The following ABHD17B variants were observed in gnomAD, a reference collection of about 807,000 sequenced individuals.
ABHD17B encodes the protein alpha/beta hydrolase domain-containing protein 17B.
A neutral mutation model predicts 26.2 loss-of-function variants in ABHD17B; 9 were observed. The ratio of observed to expected loss-of-function variants is 0.34; its 90% CI spans 0.21 to 0.60. The LOEUF is 0.60. Ranked by LOEUF, ABHD17B falls within the 20% of genes least tolerant of loss-of-function variation. The probability of loss-of-function intolerance (pLI) is 0.80; values close to 1 mark genes in which losing one functional copy is unlikely to be tolerated. For missense variants in ABHD17B, 224 were observed against 352.1 expected, an observed-to-expected ratio of 0.64 and a Z score of 2.91; for synonymous variants, 127 against 122.3, an observed-to-expected ratio of 1.04 and a Z score of -0.25.
At chr9:71,869,822 C>T (rs893154914) in intron 3 of ABHD17B, among the ~76,000 whole-genome samples, 1 of 152,082 alleles carries the variant, frequency 6.6e-6, no homozygotes, top group African/African-American at 2.4e-5. Context: ...AAATTAATTC[C>T]CTTGTCTCCA....
At chr9:71,864,600 G>A (rs1825905485), downstream of ABHD17B, among the ~76,000 whole-genome samples, 1 of 151,872 alleles carries the variant, frequency 6.6e-6, no homozygotes, top group Non-Finnish European at 1.5e-5. Flanking sequence ...TGCTTCCCCT[G>A]GGTCACCCAG....
intron 1 of ABHD17B, among the ~76,000 whole-genome samples, chr9:71,893,859 G>T (rs1425558973): frequency 6.6e-6 from 1 of 152,118 alleles, no homozygotes; most frequent in Non-Finnish European, 1.5e-5. Context: ...GTAGGCCAAG[G>T]CGGGTGGATC....
chr9:71,905,668 T>G (rs937748475), intron 1 of ABHD17B, among the ~76,000 whole-genome samples: 1 of 152,172 alleles, frequency 6.6e-6, no homozygotes, highest in African/African-American at 2.4e-5. Context: ...TTGGCTACTA[T>G]AATGAATGAG....
chr9:71,905,391 A>G (rs760733805), intron 1 of ABHD17B, among the ~76,000 whole-genome samples: 4 of 152,204 alleles, frequency 2.6e-5, no homozygotes, highest in Non-Finnish European at 5.9e-5. Flanking sequence ...CATTAAAACA[A>G]GATGCAAATA....
At chr9:71,862,952 C>T (rs564567180), downstream of ABHD17B, among the ~76,000 whole-genome samples, 2 of 151,922 alleles carry the variant, frequency 1.3e-5, no homozygotes, top group South Asian at 2.1e-4. Flanking sequence ...AATTCATTTT[C>T]ACTTATGAAG....
Position 71,911,095 on chromosome 9 carries a change from C to G in ABHD17B, c.-465G>C, listed in dbSNP as rs577043627. Among the ~76,000 whole-genome samples, 70 of 152,322 alleles carry G rather than the reference C, an allele frequency of 4.6e-4. No individual in the cohort carries two copies. The highest frequency in any genetic ancestry group is 1.7e-3 in the African/African-American group (69 of 41,588). ...CCTGCTTTCTTTGCTCCTCCTCAGC[C>G]TGCCAAGCGCGAGGCTCGTTCCGGT... is the stretch of plus-strand genomic sequence containing the variant. On this transcript the variant is annotated 5_prime_UTR_variant, in exon 1 of 4. Coordinates refer to ENST00000333421, the MANE Select transcript of ABHD17B (RefSeq NM_001025780.3).
In ABHD17B at chr9:71,866,486, G is replaced by T; in HGVS notation, c.*301C>A. On this transcript the variant is annotated 3_prime_UTR_variant, in exon 4 of 4. Transcript: ENST00000333421. Reference sequence around the variant, plus strand: ...TTGTTTCTAGTATGCAAAAGCATTTGGCAATACTTTTACAGCATTTGATTT... The same window carrying T: ...TTGTTTCTAGTATGCAAAAGCATTTTGCAATACTTTTACAGCATTTGATTT... The T allele has an allele frequency of 9.3e-7, 1 of 1,072,868 alleles. No homozygotes were observed. 66.5% of individuals were successfully genotyped at this position (1,072,868 alleles called of 1,614,324 possible).
intron 2 of ABHD17B, among the ~76,000 whole-genome samples, chr9:71,873,078 A>AAT (rs1826159410): frequency 6.6e-6 from 1 of 151,998 alleles, no homozygotes; most frequent in African/African-American, 2.4e-5. Context: ...TGAAATCTTT[A>AAT]ATATTTAAAC....
chr9:71,864,213 CTTTTTTTTTTTT>C (rs762446648), downstream of ABHD17B, among the ~76,000 whole-genome samples: 1 of 80,396 alleles, frequency 1.2e-5, no homozygotes, highest in Non-Finnish European at 2.1e-5. Flanking sequence ...GCCAAACTTT[CTTTTTTTTTTTT>C]TTTTTTTTTT....
At chr9:71,867,099 A>T in intron 3 of ABHD17B, 93 bp from the exon 4 acceptor site, 1 of 1,423,102 alleles carries the variant, frequency 7.0e-7, no homozygotes, top group Non-Finnish European at 9.5e-7. Flanking sequence ...TTCAAATATG[A>T]GAATTGTATG....
chr9:71,890,658 T>C (rs1826754750), intron 1 of ABHD17B, among the ~76,000 whole-genome samples: 2 of 152,242 alleles, frequency 1.3e-5, no homozygotes, highest in African/African-American at 2.4e-5. Flanking sequence ...AAATTCCAAG[T>C]GTCAAGGTGT....
At chr9:71,899,475 C>T (rs1008843990) in intron 1 of ABHD17B, among the ~76,000 whole-genome samples, 5 of 152,172 alleles carry the variant, frequency 3.3e-5, no homozygotes, top group African/African-American at 1.2e-4. Flanking sequence ...CTCACCCTTA[C>T]AAATGTTGCA....
At chr9:71,885,022 T>A (rs1018080498) in intron 1 of ABHD17B, among the ~76,000 whole-genome samples, 5 of 152,128 alleles carry the variant, frequency 3.3e-5, no homozygotes, top group African/African-American at 1.2e-4. Context: ...TAAAAATCTA[T>A]GAACCTAAGT....
Position 71,874,636 on chromosome 9 carries a change from C to A in ABHD17B, c.445G>T (p.Ala149Ser). ...EKNLYADIEAAWLALRTRYGI... is the reference protein window; with the variant it reads ...EKNLYADIEASWLALRTRYGI... ...TACCTTGTCCTAAGAGCAAGCCAAG[C>A]AGCTTCAATGTCTGCATAGAGGTTC... Residue 149 changes from alanine to serine, a missense_variant, in exon 2 of 4, where the codon GCT becomes TCT. Physicochemically the swap from Ala to Ser is moderately conservative, Grantham distance 99. Coordinates refer to ENST00000333421, the MANE Select transcript of ABHD17B (RefSeq NM_001025780.3). The A allele has an allele frequency of 1.3e-6, 2 of 1,587,352 alleles. No homozygotes were observed. Among genetic ancestry groups the A allele is most frequent in the South Asian group, 2.3e-5 (2 of 87,416 alleles).
At chr9:71,909,177 A>G (rs1238028169) in intron 1 of ABHD17B, among the ~76,000 whole-genome samples, 2 of 152,238 alleles carry the variant, frequency 1.3e-5, no homozygotes, top group Non-Finnish European at 2.9e-5. Context: ...AAAACTGCCT[A>G]GCCTGCTAAA....
rs1825964488 is a variant in ABHD17B, at chr9:71,866,709, C to T, written c.*78G>A. The stretch of plus-strand genomic sequence containing the variant: ...CAACTGACATGATTTGCAAACAAAA[C>T]CTTCAGGTTTTATGTTATTTACCAA... On this transcript the variant is annotated 3_prime_UTR_variant, in exon 4 of 4. Transcript: ENST00000333421. The T allele has an allele frequency of 1.4e-5, 22 of 1,555,534 alleles. No individual in the cohort carries two copies. The Admixed American group carries it at 4.3e-4, about 30-fold the overall frequency.
At chr9:71,886,645 G>A (rs1273847917) in intron 1 of ABHD17B, among the ~76,000 whole-genome samples, 2 of 151,926 alleles carry the variant, frequency 1.3e-5, no homozygotes, top group Non-Finnish European at 2.9e-5. Flanking sequence ...TCAGCCTCCC[G>A]AGCAGCTGGG....
intron 3 of ABHD17B, among the ~76,000 whole-genome samples, chr9:71,869,199 ATGCCCACAGCT>A (rs1826042521): frequency 6.6e-6 from 1 of 152,178 alleles, no homozygotes; most frequent in Non-Finnish European, 1.5e-5. Flanking sequence ...AAACCCAAAC[ATGCCCACAGCT>A]TGCCCTTGTG....
chr9:71,885,795 TAAC>T (rs1439861416), intron 1 of ABHD17B, among the ~76,000 whole-genome samples: 1 of 152,152 alleles, frequency 6.6e-6, no homozygotes, highest in Non-Finnish European at 1.5e-5. Context: ...TTTGACATAA[TAAC>T]AATTTACTAG....
Sources: gnomAD v4.1 joint callset for allele counts (sites outside exome capture counted in the v4.1 genomes callset) on GRCh38, gnomAD v4.1.1 for gene constraint, MANE v1.5 for transcripts, NCBI Gene and HGNC (gene_info 2026-07-23, HGNC 2026-07-21) for gene names.